NWD2: variants seen among roughly 807,000 people sequenced by gnomAD.
NWD2 encodes NACHT and WD repeat domain-containing protein 2.
In NWD2, 37 loss-of-function variants were observed where a neutral mutation model predicts 132.7. The observed-to-expected ratio is 0.28, with a 90% CI of 0.21 to 0.37. The LOEUF is 0.37. Ranked by LOEUF, NWD2 falls within the 10% of genes least tolerant of loss-of-function variation. The probability of loss-of-function intolerance (pLI) is 1.00; values close to 1 mark genes in which losing one functional copy is unlikely to be tolerated. For missense variants in NWD2, 1,592 were observed against 2,122.4 expected (o/e 0.75, Z 4.91); for synonymous variants, 705 against 803.0 (o/e 0.88, Z 2.06).
At chr4:37,420,844 T>C (rs1049088900) in intron 3 of NWD2, among the ~76,000 whole-genome samples, 1 of 151,942 alleles carries the variant, frequency 6.6e-6, no homozygotes, top group Admixed American at 6.6e-5. Flanking sequence ...ACAGAAAGAG[T>C]TGATCACCCT....
At chr4:37,374,674 T>C (rs781085622) in intron 3 of NWD2, among the ~76,000 whole-genome samples, 3 of 152,172 alleles carry the variant, frequency 2.0e-5, no homozygotes, top group Non-Finnish European at 4.4e-5. Context: ...TGATTGTTAC[T>C]AGCAAAAACA....
Position 37,277,133 on chromosome 4 carries a change from T to TA in NWD2, c.151+31928dup, listed in dbSNP as rs58582054. On this transcript the variant is annotated intron_variant, in intron 1 of 6. Coordinates refer to ENST00000309447, the MANE Select transcript of NWD2 (RefSeq NM_001144990.2). Reference sequence around the variant, plus strand: ...TGTACCCTAAAACTTAAAGTATAATTAAAAAAAAAAAAAGTCAGCCATTAA... The same window carrying TA: ...TGTACCCTAAAACTTAAAGTATAATTAAAAAAAAAAAAAAGTCAGCCATTAA... 5.5e-3 allele frequency among the ~76,000 whole-genome samples: 811 copies of TA among 146,368 alleles called. 9 individuals are homozygous for TA. Among genetic ancestry groups the TA allele is most frequent in the South Asian group, 9.8e-3 (44 of 4,488 alleles).
chr4:37,306,822 A>G (rs1322108151), intron 1 of NWD2, among the ~76,000 whole-genome samples: 1 of 152,118 alleles, frequency 6.6e-6, no homozygotes, highest in Non-Finnish European at 1.5e-5. Context: ...GGAGAGTGAG[A>G]CCATCCTAGC....
intron 3 of NWD2, among the ~76,000 whole-genome samples, chr4:37,366,716 A>G (rs1212159592): frequency 1.3e-5 from 2 of 152,136 alleles, no homozygotes; most frequent in Non-Finnish European, 2.9e-5. Context: ...TTACATCAAT[A>G]TCATATAGTA....
intron 3 of NWD2, among the ~76,000 whole-genome samples, chr4:37,404,361 T>C (rs550547977): frequency 5.9e-5 from 9 of 152,312 alleles, no homozygotes; most frequent in African/African-American, 2.2e-4. Flanking sequence ...ACTATGAGCA[T>C]TTGCCTAGCT....
intron 1 of NWD2, among the ~76,000 whole-genome samples, chr4:37,312,172 A>T (rs1718858387): frequency 6.6e-6 from 1 of 151,508 alleles, no homozygotes; most frequent in Non-Finnish European, 1.5e-5. Flanking sequence ...GAAGAAAGTC[A>T]TTGGTAGCTT....
chr4:37,296,783 C>A (rs908508243), intron 1 of NWD2, among the ~76,000 whole-genome samples: 13 of 152,112 alleles, frequency 8.5e-5, no homozygotes, highest in African/African-American at 3.1e-4. Flanking sequence ...TCTCAGAATT[C>A]ATCAATATAT....
chr4:37,373,933 A>G (rs1413268711), intron 3 of NWD2, among the ~76,000 whole-genome samples: 1 of 152,266 alleles, frequency 6.6e-6, no homozygotes, highest in African/African-American at 2.4e-5. Flanking sequence ...TTGGTATCTC[A>G]GTAGCATGCA....
chr4:37,441,192 G>A (rs1712474664), intron 6 of NWD2, among the ~76,000 whole-genome samples: 1 of 152,160 alleles, frequency 6.6e-6, no homozygotes, highest in African/African-American at 2.4e-5. Flanking sequence ...CTTTAATTAA[G>A]CACCAGATGA....
At chr4:37,387,997 G>T (rs1170050710) in intron 3 of NWD2, among the ~76,000 whole-genome samples, 1 of 151,968 alleles carries the variant, frequency 6.6e-6, no homozygotes, top group East Asian at 1.9e-4. Context: ...CATACCTCTG[G>T]TACTTATGAG....
At chr4:37,375,900 T>C (rs1720339773) in intron 3 of NWD2, among the ~76,000 whole-genome samples, 1 of 152,212 alleles carries the variant, frequency 6.6e-6, no homozygotes, top group African/African-American at 2.4e-5. Context: ...TGCATTATAC[T>C]GTGGCTTTAG....
chr4:37,413,801 A>T (rs985841420), intron 3 of NWD2, among the ~76,000 whole-genome samples: 4 of 152,220 alleles, frequency 2.6e-5, no homozygotes, highest in African/African-American at 9.7e-5. Flanking sequence ...ATAAAAAAGG[A>T]TGAGTCCATG....
chr4:37,368,085 C>T (rs896986679), intron 3 of NWD2, among the ~76,000 whole-genome samples: 2 of 152,050 alleles, frequency 1.3e-5, no homozygotes, highest in South Asian at 2.1e-4. Flanking sequence ...ATAACATAAT[C>T]GCTAGCCTAG....
chr4:37,441,684 A>G (rs1712488398), intron 6 of NWD2, among the ~76,000 whole-genome samples: 1 of 152,182 alleles, frequency 6.6e-6, no homozygotes, highest in Admixed American at 6.5e-5. Context: ...TCTATTGACT[A>G]TCCAGGAGTC....
At chr4:37,346,804 A>G (rs1719646719) in intron 2 of NWD2, among the ~76,000 whole-genome samples, 1 of 152,026 alleles carries the variant, frequency 6.6e-6, no homozygotes, top group Non-Finnish European at 1.5e-5. Context: ...GCTCTTTTAA[A>G]TTGAATTGTT....
At chr4:37,301,393 C>A (rs570985365) in intron 1 of NWD2, among the ~76,000 whole-genome samples, 1 of 152,152 alleles carries the variant, frequency 6.6e-6, no homozygotes, top group African/African-American at 2.4e-5. Context: ...ATTTAGCCAT[C>A]ATTTCTTCAA....
Position 37,443,340 on chromosome 4 carries a change from T to A in NWD2, c.1352T>A (p.Val451Glu). ...CCAGAATCTGACCCAGTAGTCATCG[T>A]GAGATTTCTAGGAACGACAGACATG... ...TGPESDPVVI[V>E]RFLGTTDMSS... Residue 451 changes from valine to glutamate, a missense_variant, in exon 7 of 7, where the codon GTG (valine) becomes GAG (glutamate). Coordinates refer to ENST00000309447, the MANE Select transcript of NWD2 (RefSeq NM_001144990.2). This position sits in a 1 kb window ranked among gnomAD's most constrained non-coding sequence, Gnocchi z 4.1. 1.3e-6 allele frequency: 2 copies of A among 1,549,218 alleles called. No individual in the cohort carries two copies. Among genetic ancestry groups the A allele is most frequent in the African/African-American group, 2.7e-5 (2 of 73,126 alleles).
At chr4:37,284,031 G>A (rs932498673) in intron 1 of NWD2, among the ~76,000 whole-genome samples, 1 of 152,182 alleles carries the variant, frequency 6.6e-6, no homozygotes, top group African/African-American at 2.4e-5. Context: ...GTACTGAATT[G>A]TTATAAATCA....
At chr4:37,343,160 C>T (rs146560393) in intron 2 of NWD2, among the ~76,000 whole-genome samples, 29 of 152,260 alleles carry the variant, frequency 1.9e-4, no homozygotes, top group African/African-American at 5.3e-4. Flanking sequence ...TATCTGACAA[C>T]GCTAATCTGA....
Sources: gnomAD v4.1 joint callset for allele counts (sites outside exome capture counted in the v4.1 genomes callset) on GRCh38, gnomAD v4.1.1 for gene constraint, Gnocchi (gnomAD v3.1) non-coding constraint, MANE v1.5 for transcripts, NCBI Gene and HGNC (gene_info 2026-07-23, HGNC 2026-07-21) for gene names.